Variants in PEX39 observed in about 807,000 individuals in gnomAD.
PEX39 encodes peroxin-39.
At chr6:42,890,590 C>A in the PEX39 span, 2 of 1,611,682 alleles carry the variant, frequency 1.2e-6, no homozygotes, top group Non-Finnish European at 1.7e-6. Context: ...AGGGACTCAG[C>A]CAAAGCCGCG....
chr6:42,890,360 T>G, the PEX39 span: 2 of 878,102 alleles, frequency 2.3e-6, no homozygotes, highest in Non-Finnish European at 3.2e-6. Context: ...ACCCCCATGG[T>G]GGTTGCAGGA....
the PEX39 span, chr6:42,890,487 G>A: frequency 6.6e-7 from 1 of 1,516,646 alleles, no homozygotes; most frequent in Non-Finnish European, 8.8e-7. Context: ...GGAACCTCAG[G>A]GGCCCACTGT....
the PEX39 span, chr6:42,890,430 C>G: frequency 6.8e-7 from 1 of 1,474,698 alleles, no homozygotes; most frequent in East Asian, 2.4e-5. Flanking sequence ...TGAATGGCAT[C>G]CCGGGTCCTG....
the PEX39 span, chr6:42,890,700 T>C: frequency 6.2e-7 from 1 of 1,612,194 alleles, no homozygotes; most frequent in Non-Finnish European, 8.5e-7. Context: ...TTCCTGGCCC[T>C]GCTGGACCAG....
At chr6:42,890,615 G>C in the PEX39 span, 1 of 1,612,474 alleles carries the variant, frequency 6.2e-7, no homozygotes, top group Non-Finnish European at 8.5e-7. Flanking sequence ...CCCAGGGCTT[G>C]GGCCTCCGCG....
At chr6:42,890,503 A>G in the PEX39 span, 5 of 1,547,464 alleles carry the variant, frequency 3.2e-6, no homozygotes, top group Non-Finnish European at 4.4e-6. Flanking sequence ...ACTGTATGCC[A>G]TGAAGAAGGC....
chr6:42,890,375 G>A, the PEX39 span: 19 of 1,086,562 alleles, frequency 1.7e-5, no homozygotes, highest in Non-Finnish European at 2.3e-5. Flanking sequence ...GCAGGAGCAA[G>A]TCTAGTTGAG....
At chr6:42,890,821 C>A in the PEX39 span, 1 of 1,538,112 alleles carries the variant, frequency 6.5e-7, no homozygotes, top group South Asian at 1.3e-5. Flanking sequence ...GCGTGTAATG[C>A]AGAGAAGCGA....
chr6:42,890,519 C>T, the PEX39 span: 536 of 1,561,548 alleles, frequency 3.4e-4, 2 homozygotes, highest in Admixed American at 2.2e-3. Flanking sequence ...AAGGCGCAGT[C>T]GCTGCCTCAA....
chr6:42,890,613 T>G, the PEX39 span: 1 of 1,612,462 alleles, frequency 6.2e-7, no homozygotes, highest in Non-Finnish European at 8.5e-7. Context: ...CTCCCAGGGC[T>G]TGGGCCTCCG....
At chr6:42,890,275 A>C in the PEX39 span, 2 of 417,116 alleles carry the variant, frequency 4.8e-6, no homozygotes, top group East Asian at 7.2e-5. Context: ...TTACATCATA[A>C]AACATTTTAT....
At chr6:42,890,456 G>C in the PEX39 span, 44 of 1,497,054 alleles carry the variant, frequency 2.9e-5, no homozygotes, top group African/African-American at 5.5e-4. Context: ...ACGCCCTCCA[G>C]ATCGCCGCCG....
the PEX39 span, chr6:42,890,735 C>T: frequency 6.2e-7 from 1 of 1,608,640 alleles, no homozygotes; most frequent in Admixed American, 1.7e-5. Flanking sequence ...CCAGGGTAAC[C>T]GAAGCTGAGG....
chr6:42,890,729 G>C, the PEX39 span: 60 of 1,609,680 alleles, frequency 3.7e-5, no homozygotes, highest in Non-Finnish European at 4.6e-5. Flanking sequence ...GCTGCGCCAG[G>C]GTAACCGAAG....
the PEX39 span, chr6:42,890,801 A>G: frequency 1.3e-6 from 2 of 1,559,110 alleles, no homozygotes; most frequent in Non-Finnish European, 1.7e-6. Context: ...CGGGTCGCGA[A>G]TCCTGACCGG....
the PEX39 span, chr6:42,890,798 C>T: frequency 6.4e-7 from 1 of 1,559,118 alleles, no homozygotes; most frequent in Middle Eastern, 2.1e-4. Context: ...TGTCGGGTCG[C>T]GAATCCTGAC....
the PEX39 span, chr6:42,890,752 C>T: frequency 1.9e-6 from 3 of 1,605,430 alleles, no homozygotes; most frequent in East Asian, 4.5e-5. Context: ...GAGGCAGAGG[C>T]CGGGGCCGAG....
chr6:42,890,640 G>C, the PEX39 span: 1 of 1,612,782 alleles, frequency 6.2e-7, no homozygotes, highest in Admixed American at 1.7e-5. Context: ...CCGGGACGCT[G>C]TGGGTTCGCC....
chr6:42,890,621 C>T, the PEX39 span: 3 of 1,612,536 alleles, frequency 1.9e-6, no homozygotes, highest in South Asian at 2.2e-5. Context: ...GCTTGGGCCT[C>T]CGCGGCAGCC....
Sources: allele counts gnomAD v4.1 joint callset, GRCh38; gene constraint gnomAD v4.1.1; transcripts MANE v1.5; gene names NCBI Gene and HGNC (gene_info 2026-07-23, HGNC 2026-07-21).